Variants in SCHIP1 observed in about 807,000 individuals in gnomAD.
SCHIP1 encodes schwannomin-interacting protein 1.
Under a neutral mutation model 29.7 loss-of-function variants are expected in SCHIP1, and 8 were observed. The observed-to-expected ratio is 0.27, with a 90% confidence interval of 0.16 to 0.49. The LOEUF (loss-of-function observed/expected upper bound fraction) is 0.49. SCHIP1 is among the 20% of genes least tolerant of loss of function. SCHIP1 has a pLI of 0.99. For missense variants in SCHIP1, 193 were observed against 294.6 expected (o/e 0.66, Z 2.52); for synonymous variants, 76 against 94.9 (o/e 0.80, Z 1.16).
intron 6 of SCHIP1, chr3:159,894,777 A>T (rs940304766): frequency 6.6e-6 from 1 of 151,812 alleles, no homozygotes; most frequent in African/African-American, 2.4e-5. Context: ...GGACTCTTAT[A>T]TAACTTGCTG....
At chr3:159,511,896 T>C in the SCHIP1 span, among the ~76,000 whole-genome samples, 1 of 152,198 alleles carries the variant, frequency 6.6e-6, no homozygotes, top group Non-Finnish European at 1.5e-5. Context: ...AAATCTTTTA[T>C]TAGGAAAGTG....
chr3:159,531,063 G>T, the SCHIP1 span, among the ~76,000 whole-genome samples: 1 of 152,302 alleles, frequency 6.6e-6, no homozygotes, highest in South Asian at 2.1e-4. Context: ...TATGGCACTT[G>T]CATTCACCTC....
the SCHIP1 span, among the ~76,000 whole-genome samples, chr3:159,432,327 TGTGTGTGTGTG>T: frequency 1.0e-4 from 11 of 106,250 alleles, no homozygotes; most frequent in African/African-American, 3.6e-4. Context: ...TGTGTGTGTG[TGTGTGTGTGTG>T]TGAGAGAGAG....
chr3:159,345,930 A>G, the SCHIP1 span, among the ~76,000 whole-genome samples: 3 of 152,166 alleles, frequency 2.0e-5, no homozygotes, highest in African/African-American at 7.2e-5. Context: ...GCTTTCACTC[A>G]TGCCTGTAAT....
At chr3:159,806,854 C>T in the SCHIP1 span, among the ~76,000 whole-genome samples, 7 of 152,168 alleles carry the variant, frequency 4.6e-5, no homozygotes, top group South Asian at 6.2e-4. Flanking sequence ...AGTATCATAG[C>T]GGTCAGGTAG....
the SCHIP1 span, among the ~76,000 whole-genome samples, chr3:159,334,491 A>G: frequency 6.6e-6 from 1 of 152,192 alleles, no homozygotes; most frequent in African/African-American, 2.4e-5. Context: ...GTTTTGACAC[A>G]TGCATAGATT....
chr3:159,422,617 A>G, the SCHIP1 span, among the ~76,000 whole-genome samples: 1 of 152,166 alleles, frequency 6.6e-6, no homozygotes, highest in African/African-American at 2.4e-5. Context: ...CCCACCCTCC[A>G]AGATGAACCA....
At chr3:159,632,941 T>A in the SCHIP1 span, among the ~76,000 whole-genome samples, 2 of 152,192 alleles carry the variant, frequency 1.3e-5, no homozygotes, top group African/African-American at 2.4e-5. Context: ...AGTTGCCTTT[T>A]CTTCTAGGGT....
chr3:159,831,543 T>A, the SCHIP1 span, among the ~76,000 whole-genome samples: 6 of 152,194 alleles, frequency 3.9e-5, no homozygotes, highest in South Asian at 2.1e-4. Flanking sequence ...TAACTAATCA[T>A]AAAATAGAAT....
chr3:159,627,041 C>A, the SCHIP1 span, among the ~76,000 whole-genome samples: 12 of 152,112 alleles, frequency 7.9e-5, no homozygotes, highest in Non-Finnish European at 1.5e-4. Context: ...TTGCCCCCAC[C>A]CCGACGGGCC....
the SCHIP1 span, among the ~76,000 whole-genome samples, chr3:159,508,852 T>C: frequency 6.6e-6 from 1 of 152,216 alleles, no homozygotes; most frequent in Non-Finnish European, 1.5e-5. Flanking sequence ...ATAATTTCTG[T>C]TCTTTTACAT....
the SCHIP1 span, among the ~76,000 whole-genome samples, chr3:159,811,184 C>A: frequency 2.6e-5 from 4 of 152,150 alleles, no homozygotes; most frequent in African/African-American, 9.7e-5. Flanking sequence ...TTTATATATT[C>A]TGGATACAAA....
chr3:159,387,706 C>T, the SCHIP1 span, among the ~76,000 whole-genome samples: 1 of 152,132 alleles, frequency 6.6e-6, no homozygotes, highest in African/African-American at 2.4e-5. Flanking sequence ...TGGTCAAACA[C>T]CATACATAAA....
the SCHIP1 span, chr3:159,765,396 C>G: frequency 2.3e-6 from 1 of 443,560 alleles, no homozygotes; most frequent in Non-Finnish European, 3.9e-6. Flanking sequence ...GTTAGTGGAA[C>G]CGGCGACTCA....
chr3:159,640,126 T>C, the SCHIP1 span, among the ~76,000 whole-genome samples: 1 of 152,166 alleles, frequency 6.6e-6, no homozygotes, highest in Admixed American at 6.6e-5. Flanking sequence ...TAGGAGTAAA[T>C]GATGTTCTGA....
At chr3:159,721,743 G>A in the SCHIP1 span, 10 of 442,280 alleles carry the variant, frequency 2.3e-5, no homozygotes, top group East Asian at 1.9e-4. Context: ...TGGTAGGCAC[G>A]AAGGACGTCT....
At chr3:159,850,842 A>G (rs1050981566) in intron 1 of SCHIP1, among the ~76,000 whole-genome samples, 2 of 152,182 alleles carry the variant, frequency 1.3e-5, no homozygotes, top group Non-Finnish European at 2.9e-5. Context: ...AACCACCCCC[A>G]TGGTCCAGTC....
At chr3:159,450,414 T>C in the SCHIP1 span, among the ~76,000 whole-genome samples, 30 of 152,364 alleles carry the variant, frequency 2.0e-4, no homozygotes, top group African/African-American at 6.3e-4. Context: ...TCTAAATCCG[T>C]AGTTTCAATA....
the SCHIP1 span, among the ~76,000 whole-genome samples, chr3:159,521,954 C>T: frequency 6.6e-6 from 1 of 152,092 alleles, no homozygotes; most frequent in East Asian, 1.9e-4. Flanking sequence ...TTAATTCAAC[C>T]TCAAACTGCA....
Sources: gnomAD v4.1 joint callset for allele counts (sites outside exome capture counted in the v4.1 genomes callset) on GRCh38, gnomAD v4.1.1 for gene constraint, MANE v1.5 for transcripts, NCBI Gene and HGNC (gene_info 2026-07-23, HGNC 2026-07-21) for gene names.